Variants in NIPAL2 observed in about 807,000 individuals in gnomAD.
NIPAL2 encodes NIPA-like protein 2.
In NIPAL2, 43 loss-of-function variants were observed where a neutral mutation model predicts 48.9. The observed-to-expected ratio is 0.88, with a 90% confidence interval of 0.69 to 1.13. The LOEUF is 1.13. Ranked by LOEUF, NIPAL2 falls within the 50% of genes most tolerant of loss-of-function variation. NIPAL2 has a pLI of 0.00. For synonymous variants in NIPAL2, 167 were observed against 174.6 expected (o/e 0.96, Z 0.34); for missense variants, 446 against 461.4 (o/e 0.97, Z 0.31).
chr8:98,243,805 T>C (rs1254145000), intron 3 of NIPAL2, among the ~76,000 whole-genome samples: 3 of 152,206 alleles, frequency 2.0e-5, no homozygotes, highest in African/African-American at 7.2e-5. Context: ...CCTGTGTCTG[T>C]AGAATAAGAG....
intron 1 of NIPAL2, among the ~76,000 whole-genome samples, chr8:98,280,770 A>AGAGAGAGAGAGAGAGAGAGAGAGAGC (rs1563553888): frequency 1.4e-5 from 2 of 139,202 alleles, no homozygotes; most frequent in African/African-American, 5.3e-5. Flanking sequence ...ATAGAGAGAG[A>AGAGAGAGAGAGAGAGAGAGAGAGAGC]GAGAGAGAGA....
At position 98,221,580 on chromosome 8, in the gene NIPAL2, T is replaced by C. The variant is rs149361314; in HGVS notation, c.558+899A>G. Reference sequence around the variant, plus strand: ...AATTATTATACTTTAAGTTCTGGGATACATGTGCAGAATGTACGGTTTTGT... The same window carrying C: ...AATTATTATACTTTAAGTTCTGGGACACATGTGCAGAATGTACGGTTTTGT... On this transcript the variant is annotated intron_variant, in intron 5 of 10. Transcript: ENST00000430223. 3.9e-3 allele frequency among the ~76,000 whole-genome samples: 599 copies of C among 152,260 alleles called. 3 individuals are homozygous for C. In the South Asian group the frequency reaches 0.044, roughly 11 times the overall value.
intron 1 of NIPAL2, among the ~76,000 whole-genome samples, chr8:98,289,202 C>T (rs1290146543): frequency 6.6e-6 from 1 of 152,082 alleles, no homozygotes; most frequent in Non-Finnish European, 1.5e-5. Flanking sequence ...CATTTTTCCC[C>T]TTTTTTTCCT....
intron 3 of NIPAL2, among the ~76,000 whole-genome samples, chr8:98,243,781 T>C (rs953932761): frequency 9.4e-5 from 14 of 149,036 alleles, no homozygotes; most frequent in Admixed American, 8.6e-4. Flanking sequence ...GATTTTTACA[T>C]GTCAGTTTAG....
chr8:98,225,418 C>T (rs1159751436), intron 4 of NIPAL2, among the ~76,000 whole-genome samples: 1 of 152,172 alleles, frequency 6.6e-6, no homozygotes, highest in African/African-American at 2.4e-5. Context: ...GTTCCTGCCC[C>T]CATTTTTATT....
At chr8:98,256,067 G>T (rs1302552283) in intron 1 of NIPAL2, among the ~76,000 whole-genome samples, 1 of 151,846 alleles carries the variant, frequency 6.6e-6, no homozygotes, top group Non-Finnish European at 1.5e-5. Flanking sequence ...CCAGGCCAGA[G>T]TGCAGTGGCA....
intron 1 of NIPAL2, among the ~76,000 whole-genome samples, chr8:98,274,693 T>G (rs1243558752): frequency 6.6e-6 from 1 of 152,054 alleles, no homozygotes; most frequent in Non-Finnish European, 1.5e-5. Context: ...CTCTTATATA[T>G]AGAAAATAAC....
intron 5 of NIPAL2, among the ~76,000 whole-genome samples, chr8:98,219,495 A>G (rs1811740805): frequency 6.6e-6 from 1 of 152,158 alleles, no homozygotes; most frequent in African/African-American, 2.4e-5. Context: ...CAGGGAGTAA[A>G]TGCTGCATAA....
intron 7 of NIPAL2, among the ~76,000 whole-genome samples, chr8:98,203,901 C>T (rs149800412): frequency 2.2e-3 from 328 of 149,024 alleles, no homozygotes; most frequent in African/African-American, 7.9e-3. Context: ...TGTAGGTATA[C>T]GTAAATGCAT....
At position 98,266,840 on chromosome 8, in the gene NIPAL2, C is replaced by T. The variant is rs140112240; in HGVS notation, c.136-12753G>A. 1.5e-4 allele frequency among the ~76,000 whole-genome samples: 23 copies of T among 151,978 alleles called. No homozygotes were observed. In the East Asian group the frequency reaches 1.5e-3, roughly 10 times the overall value. On this transcript the variant is annotated intron_variant, in intron 1 of 10. Transcript: ENST00000430223. ...TTTGGAGACCTAAATGAATGAGGTC[C>T]GCTTATGAAACTATGATGCAACATG...
At chr8:98,287,694 TACA>T (rs1816257174) in intron 1 of NIPAL2, among the ~76,000 whole-genome samples, 1 of 152,232 alleles carries the variant, frequency 6.6e-6, no homozygotes, top group African/African-American at 2.4e-5. Context: ...ATTTTGTGCC[TACA>T]ACAACTCTAT....
Position 98,191,499 on chromosome 8 carries a change from G to A in NIPAL2, c.*1479C>T, listed in dbSNP as rs1352933595. 1 of 152,078 alleles carries A rather than the reference G, an allele frequency of 6.6e-6. No homozygotes were observed. Among genetic ancestry groups the A allele is most frequent in the Non-Finnish European group, 1.5e-5 (1 of 68,042 alleles). 9.4% of individuals were successfully genotyped at this position (152,078 alleles called of 1,614,324 possible). On this transcript the variant is annotated 3_prime_UTR_variant, in exon 11 of 11. Transcript: ENST00000430223. ...CTTTGCAGCCAGGTTTGGTCAGTCT[G>A]GCCAGGAGTGCAGATTATGACAAAG...
chr8:98,267,343 A>C (rs576338677), intron 1 of NIPAL2, among the ~76,000 whole-genome samples: 14 of 147,870 alleles, frequency 9.5e-5, no homozygotes, highest in Non-Finnish European at 2.1e-4. Context: ...TTTTTTTTTG[A>C]AACAGGGTCT....
chr8:98,194,096 A>C (rs922178087), intron 10 of NIPAL2, among the ~76,000 whole-genome samples: 3 of 152,178 alleles, frequency 2.0e-5, no homozygotes, highest in Non-Finnish European at 4.4e-5. Context: ...GTCCCCCTAC[A>C]TCCCCAGTAA....
intron 3 of NIPAL2, among the ~76,000 whole-genome samples, chr8:98,245,165 A>G (rs1431848543): frequency 2.6e-5 from 4 of 152,196 alleles, no homozygotes; most frequent in Non-Finnish European, 2.9e-5. Flanking sequence ...TTGTACTGCT[A>G]AAAAGCAAAC....
chr8:98,234,876 A>G (rs1272674946), intron 4 of NIPAL2, among the ~76,000 whole-genome samples: 2 of 152,142 alleles, frequency 1.3e-5, no homozygotes, highest in East Asian at 1.9e-4. Context: ...TTCTGAGTCC[A>G]TACAACTTCC....
At chr8:98,206,793 G>A (rs1412786852) in intron 6 of NIPAL2, among the ~76,000 whole-genome samples, 6 of 144,894 alleles carry the variant, frequency 4.1e-5, no homozygotes, top group Admixed American at 6.8e-5. Flanking sequence ...AAAAAAAAAA[G>A]GAAAAAAAAA....
intron 4 of NIPAL2, 140 bp from the exon 5 acceptor site, chr8:98,222,740 C>T: frequency 1.3e-6 from 1 of 786,374 alleles, no homozygotes; most frequent in Non-Finnish European, 2.0e-6. Context: ...ATCAAACCAT[C>T]CTTGGATAGC....
At position 98,206,316 on chromosome 8, in the gene NIPAL2, G is replaced by GTATA. The variant is rs1554561615; in HGVS notation, c.656-1074_656-1071dup. ...AGGTATTTTATGTATGTGTGTGTGT[G>GTATA]TATATATATATATGTATGTATGTAT... On this transcript the variant is annotated intron_variant, in intron 6 of 10. Transcript: ENST00000430223. Among the ~76,000 whole-genome samples, 14 of 147,668 alleles carry GTATA rather than the reference G, an allele frequency of 9.5e-5. 1 individual carries two copies. The highest frequency in any genetic ancestry group is 6.7e-4 in the Admixed American group (10 of 14,964).
Sources: allele counts gnomAD v4.1 joint callset (sites outside exome capture counted in the v4.1 genomes callset), GRCh38; gene constraint gnomAD v4.1.1; transcripts MANE v1.5; gene names NCBI Gene and HGNC (gene_info 2026-07-23, HGNC 2026-07-21).